Variants in NLGN1 observed in about 807,000 individuals in gnomAD.
The protein encoded by NLGN1 is neuroligin-1.
In NLGN1, 12 loss-of-function variants were observed where a neutral mutation model predicts 65.5. The ratio of observed to expected loss-of-function variants is 0.18; its 90% CI spans 0.12 to 0.30. NLGN1 has a LOEUF of 0.30. Ranked by LOEUF, NLGN1 falls within the 10% of genes least tolerant of loss-of-function variation. The pLI is 1.00. For missense variants in NLGN1, 750 were observed against 1,007.1 expected, an observed-to-expected ratio of 0.74 and a Z score of 3.46; for synonymous variants, 350 against 359.5, an observed-to-expected ratio of 0.97 and a Z score of 0.30.
At chr3:174,226,184 AT>A (rs1049238774) in intron 4 of NLGN1, among the ~76,000 whole-genome samples, 1 of 152,162 alleles carries the variant, frequency 6.6e-6, no homozygotes, top group African/African-American at 2.4e-5. Context: ...GAAGTTCTTT[AT>A]GAGCACAGCT....
At chr3:174,221,298 C>T (rs1577422682) in intron 4 of NLGN1, among the ~76,000 whole-genome samples, 1 of 152,056 alleles carries the variant, frequency 6.6e-6, no homozygotes, top group East Asian at 1.9e-4. Context: ...TTTTATAAGC[C>T]AGAGGGTAAG....
At chr3:173,995,719 C>T (rs1021519038) in intron 4 of NLGN1, among the ~76,000 whole-genome samples, 5 of 146,814 alleles carry the variant, frequency 3.4e-5, no homozygotes, top group Admixed American at 2.1e-4. Context: ...CAGGATCTCA[C>T]TCTGTTGCCC....
chr3:173,526,228 G>T (rs1053310324), intron 2 of NLGN1, among the ~76,000 whole-genome samples: 1 of 151,810 alleles, frequency 6.6e-6, no homozygotes, highest in Non-Finnish European at 1.5e-5. Context: ...AGTAGTATTT[G>T]GTTTGTAAAC....
intron 4 of NLGN1, among the ~76,000 whole-genome samples, chr3:173,830,233 A>G (rs1722262308): frequency 1.3e-5 from 2 of 152,198 alleles, no homozygotes; most frequent in Non-Finnish European, 1.5e-5. Context: ...CCAGGCTGTC[A>G]TAACTTATGA....
At chr3:174,079,670 T>C (rs1741734220) in intron 4 of NLGN1, among the ~76,000 whole-genome samples, 1 of 152,136 alleles carries the variant, frequency 6.6e-6, no homozygotes, top group Admixed American at 6.6e-5. Flanking sequence ...TTTTAAAAAA[T>C]GTGGGACATG....
intron 4 of NLGN1, among the ~76,000 whole-genome samples, chr3:174,147,044 C>A: frequency 6.6e-6 from 1 of 152,066 alleles, no homozygotes; most frequent in East Asian, 1.9e-4. Flanking sequence ...AACTTTTGTT[C>A]AAGATGGTTT....
At chr3:173,881,858 G>A (rs1323013493) in intron 4 of NLGN1, among the ~76,000 whole-genome samples, 1 of 152,114 alleles carries the variant, frequency 6.6e-6, no homozygotes, top group Non-Finnish European at 1.5e-5. Context: ...AATCACAGAT[G>A]TTTTAATGGC....
chr3:173,449,183 T>C (rs1015103463), intron 2 of NLGN1, among the ~76,000 whole-genome samples: 42 of 152,280 alleles, frequency 2.8e-4, no homozygotes, highest in African/African-American at 1.0e-3. Context: ...CTTTCCTGCT[T>C]TCTCTTGTGG....
At chr3:173,854,651 G>T (rs903415383) in intron 4 of NLGN1, among the ~76,000 whole-genome samples, 4 of 152,004 alleles carry the variant, frequency 2.6e-5, no homozygotes, top group Admixed American at 6.6e-5. Context: ...TGAAATTGCT[G>T]ACTGATTTTT....
intron 3 of NLGN1, among the ~76,000 whole-genome samples, chr3:173,646,566 C>A (rs1237162923): frequency 6.6e-6 from 1 of 152,186 alleles, no homozygotes; most frequent in Non-Finnish European, 1.5e-5. Context: ...CTGATTGTAT[C>A]ATTACACATT....
intron 4 of NLGN1, among the ~76,000 whole-genome samples, chr3:174,270,098 T>A (rs1052649686): frequency 1.3e-5 from 2 of 149,274 alleles, no homozygotes; most frequent in Non-Finnish European, 3.0e-5. Context: ...TTTGCAATTG[T>A]TTTCTCCCAT....
intron 3 of NLGN1, among the ~76,000 whole-genome samples, chr3:173,665,972 A>T (rs1182820323): frequency 6.6e-6 from 1 of 152,118 alleles, no homozygotes; most frequent in East Asian, 1.9e-4. Flanking sequence ...CTTTTCCTGA[A>T]CACATGAAGG....
intron 4 of NLGN1, among the ~76,000 whole-genome samples, chr3:173,980,672 G>A (rs886782168): frequency 6.6e-6 from 1 of 151,894 alleles, no homozygotes; most frequent in Non-Finnish European, 1.5e-5. Context: ...ATAATGACAC[G>A]GTATCAGTGC....
At chr3:174,261,978 G>T (rs1747018490) in intron 4 of NLGN1, among the ~76,000 whole-genome samples, 1 of 145,804 alleles carries the variant, frequency 6.9e-6, no homozygotes, top group Admixed American at 6.8e-5. Context: ...TTATATGCTG[G>T]ATTACATTTA....
At position 173,984,308 on chromosome 3, in the gene NLGN1, G is replaced by T. The variant is rs371202286; in HGVS notation, c.646+176476G>T. Among the ~76,000 whole-genome samples, 58 of 152,232 alleles carry T rather than the reference G, an allele frequency of 3.8e-4. 2 individuals carry two copies. In the South Asian group the frequency reaches 0.012, roughly 32 times the overall value. On this transcript the variant is annotated intron_variant, in intron 4 of 6. Transcript: ENST00000457714. ...ATGGACTTCAGAGTTTTGTTGAGAT[G>T]CTTTACTTCTAGGGGCCTACATATC... is the stretch of plus-strand genomic sequence containing the variant.
chr3:173,437,011 T>G (rs185498090), intron 2 of NLGN1, among the ~76,000 whole-genome samples: 1 of 152,346 alleles, frequency 6.6e-6, no homozygotes, highest in Admixed American at 6.5e-5. Flanking sequence ...AAAGTCATCC[T>G]TATTAAAACT....
intron 2 of NLGN1, among the ~76,000 whole-genome samples, chr3:173,473,142 A>G (rs1054622106): frequency 6.6e-6 from 1 of 152,210 alleles, no homozygotes; most frequent in African/African-American, 2.4e-5. Context: ...GAAATCCCAC[A>G]TAAGTCCATT....
chr3:173,700,654 G>A (rs921734140), intron 3 of NLGN1, among the ~76,000 whole-genome samples: 2 of 152,172 alleles, frequency 1.3e-5, no homozygotes, highest in African/African-American at 4.8e-5. Context: ...TGTTTCTCAT[G>A]TCCAGCTATT....
chr3:173,415,156 G>A (rs1356876833), intron 1 of NLGN1, among the ~76,000 whole-genome samples: 1 of 152,218 alleles, frequency 6.6e-6, no homozygotes. Context: ...CAAATAGTTA[G>A]ATTTAACATT....
Sources: gnomAD v4.1 joint callset for allele counts (sites outside exome capture counted in the v4.1 genomes callset) on GRCh38, gnomAD v4.1.1 for gene constraint, MANE v1.5 for transcripts, NCBI Gene and HGNC (gene_info 2026-07-23, HGNC 2026-07-21) for gene names.